ZNF577: variants seen among roughly 807,000 people sequenced by gnomAD.
The protein encoded by ZNF577 is zinc finger protein 577.
A neutral mutation model predicts 13.9 loss-of-function variants in ZNF577; 14 were observed. That is an observed-to-expected ratio of 1.00 (90% CI 0.66 to 1.57). ZNF577 has a LOEUF of 1.57. ZNF577 is among the 40% of genes most tolerant of loss of function. ZNF577 has a pLI of 0.00. For synonymous variants in ZNF577, 203 were observed against 202.9 expected, an observed-to-expected ratio of 1.00 and a Z score of 0.00; for missense variants, 555 against 579.2, an observed-to-expected ratio of 0.96 and a Z score of 0.43.
intron 5 of ZNF577, among the ~76,000 whole-genome samples, chr19:51,875,981 G>T (rs891726700): frequency 1.3e-5 from 2 of 152,192 alleles, no homozygotes; most frequent in Admixed American, 6.5e-5. Context: ...AAGGTGACCA[G>T]GCACCGGAGT....
At chr19:51,821,849 C>A (rs544091913) in intron 9 of ZNF577, among the ~76,000 whole-genome samples, 19 of 151,746 alleles carry the variant, frequency 1.3e-4, no homozygotes, top group Non-Finnish European at 2.2e-4. Flanking sequence ...ATGATGGCTG[C>A]CCACAATGTT....
chr19:51,881,198 C>A (rs1001270499), intron 1 of ZNF577, among the ~76,000 whole-genome samples: 1 of 152,144 alleles, frequency 6.6e-6, no homozygotes, highest in Non-Finnish European at 1.5e-5. Flanking sequence ...AGTGGTAAAG[C>A]CAGACATGGT....
At chr19:51,854,252 C>T (rs535478681) in intron 5 of ZNF577, among the ~76,000 whole-genome samples, 2 of 152,134 alleles carry the variant, frequency 1.3e-5, no homozygotes, top group Admixed American at 1.3e-4. Context: ...CCATTCTGCA[C>T]CCATCTGGGA....
intron 5 of ZNF577, chr19:51,861,624 A>G (rs2084503510): frequency 6.6e-6 from 1 of 152,336 alleles, no homozygotes; most frequent in Non-Finnish European, 1.5e-5. Flanking sequence ...TCATATTCCA[A>G]GTCACTGCAT....
At chr19:51,820,795 AT>A (rs2084182493) in intron 9 of ZNF577, among the ~76,000 whole-genome samples, 1 of 152,220 alleles carries the variant, frequency 6.6e-6, no homozygotes, top group Non-Finnish European at 1.5e-5. Context: ...TGTAACCAAT[AT>A]AAGTCAACTT....
At chr19:51,879,007 C>T (rs1200665794) in intron 3 of ZNF577, among the ~76,000 whole-genome samples, 1 of 152,146 alleles carries the variant, frequency 6.6e-6, no homozygotes, top group African/African-American at 2.4e-5. Flanking sequence ...CCTGTAATCT[C>T]AGTACTTTGG....
intron 5 of ZNF577, among the ~76,000 whole-genome samples, chr19:51,858,023 T>A (rs2084456277): frequency 6.6e-6 from 1 of 152,094 alleles, no homozygotes; most frequent in Non-Finnish European, 1.5e-5. Context: ...AAGGCCTATC[T>A]TTGAATTCCC....
chr19:51,812,116 T>A (rs1016326736), intron 9 of ZNF577, among the ~76,000 whole-genome samples: 2 of 152,196 alleles, frequency 1.3e-5, no homozygotes, highest in Admixed American at 6.5e-5. Flanking sequence ...AAACAGAATA[T>A]GTTGGAGGTA....
In ZNF577 at chr19:51,824,246, A is replaced by G. The variant is rs748382050; in HGVS notation, c.*600-12572T>C. Reference sequence around the variant, plus strand: ...TACCAAATTTCATCTTCTGGACTACAATAAGTACTACGAATGGGGACACAT... The same window carrying G: ...TACCAAATTTCATCTTCTGGACTACGATAAGTACTACGAATGGGGACACAT... On this transcript the variant is annotated intron_variant and NMD_transcript_variant, in intron 9 of 10. Coordinates refer to the ZNF577 transcript ENST00000638827. This position sits in a 1 kb window ranked among gnomAD's most constrained non-coding sequence, Gnocchi z 4.7. 1.1e-5 allele frequency: 18 copies of G among 1,614,028 alleles called. No individual in the cohort carries two copies. Among genetic ancestry groups the G allele is most frequent in the Non-Finnish European group, 1.5e-5 (18 of 1,180,010 alleles).
intron 9 of ZNF577, chr19:51,811,716 C>CA (rs879930765): frequency 2.0e-5 from 3 of 152,182 alleles, no homozygotes; most frequent in Non-Finnish European, 4.4e-5. Context: ...AGACAAGAGA[C>CA]AAAAGAGTAT....
Position 51,872,874 on chromosome 19 carries a change from AT to A in ZNF577, c.1115del (p.His372LeufsTer6). 4.3e-6 allele frequency: 7 copies of A among 1,614,158 alleles called. No individual in the cohort carries two copies. Among genetic ancestry groups the A allele is most frequent in the Non-Finnish European group, 5.9e-6 (7 of 1,180,022 alleles). ...AFAHMSVLIK[H>X]EKTHIRETAI... ...CTGTCTCTCTTATGTGAGTTTTCTCATGTTTAATGAGGACTGACATGTGGGC... is the reference window on the plus strand; with the variant it reads ...CTGTCTCTCTTATGTGAGTTTTCTCAGTTTAATGAGGACTGACATGTGGGC... On this transcript the variant is annotated frameshift_variant, in exon 6 of 6. Transcript: ENST00000638348. LOFTEE classifies it low-confidence loss of function (END_TRUNC).
Position 51,873,455 on chromosome 19 carries a change from T to C in ZNF577, c.535A>G (p.Thr179Ala). The change falls in exon 6 of 6, where the codon ACT becomes GCT. Residue 179 changes from threonine (T) to alanine (A), a missense_variant. By Grantham distance (58) the Thr-to-Ala change is moderately conservative (BLOSUM62 0). Coordinates refer to ENST00000638348, the MANE Select transcript of ZNF577 (RefSeq NM_001370449.1). ...CCATGGGGTTTCTCTCCTCTTTCAGTTCTCTGATGTTGAATAAGCTGTGCT... is the reference window on the plus strand; with the variant it reads ...CCATGGGGTTTCTCTCCTCTTTCAGCTCTCTGATGTTGAATAAGCTGTGCT... ...RKAQLIQHQR[T>A]ERGEKPHGCG... 6.2e-7 allele frequency: 1 copy of C among 1,614,188 alleles called. No homozygotes were observed. The highest frequency in any genetic ancestry group is 8.5e-7 in the Non-Finnish European group (1 of 1,180,024).
chr19:51,837,059 AG>A (rs368700682), intron 9 of ZNF577, among the ~76,000 whole-genome samples: 4,158 of 140,850 alleles, frequency 0.03, 270 homozygotes, highest in African/African-American at 0.097. Flanking sequence ...AAAAAAAAAA[AG>A]AAAAGAAAAG....
In ZNF577 at chr19:51,872,330, C is replaced by T; in HGVS notation, c.*202G>A. 2 of 488,268 alleles carry T rather than the reference C, an allele frequency of 4.1e-6. No homozygotes were observed. Among genetic ancestry groups the T allele is most frequent in the Non-Finnish European group, 7.2e-6 (2 of 277,848 alleles). 30.2% of individuals were successfully genotyped at this position (488,268 alleles called of 1,614,324 possible). Reference sequence around the variant, plus strand: ...ATTCTTTTGATACCAATTGAGATATCATCTCCAGGTAAAGACTTCCTCATA... The same window carrying T: ...ATTCTTTTGATACCAATTGAGATATTATCTCCAGGTAAAGACTTCCTCATA... On this transcript the variant is annotated 3_prime_UTR_variant, in exon 6 of 6. Transcript: ENST00000638348.
chr19:51,851,297 G>C (rs187748103), intron 5 of ZNF577, among the ~76,000 whole-genome samples: 111 of 152,246 alleles, frequency 7.3e-4, no homozygotes, highest in African/African-American at 2.1e-3. Context: ...GCTGAAACTT[G>C]TAAGAGTCTG....
At chr19:51,819,884 C>A (rs924887958) in intron 9 of ZNF577, among the ~76,000 whole-genome samples, 3 of 152,074 alleles carry the variant, frequency 2.0e-5, no homozygotes, top group African/African-American at 7.2e-5. Context: ...GAAATCAAAT[C>A]TTGAGGGTTT....
intron 5 of ZNF577, among the ~76,000 whole-genome samples, chr19:51,875,453 C>A (rs1287018258): frequency 1.3e-5 from 2 of 151,474 alleles, no homozygotes; most frequent in African/African-American, 4.9e-5. Flanking sequence ...GAGCCGACAG[C>A]GAAAGAGGGC....
chr19:51,825,106 C>T (rs1343500776), intron 9 of ZNF577: 2 of 298,038 alleles, frequency 6.7e-6, no homozygotes, highest in East Asian at 1.3e-4. Flanking sequence ...CAAATCCAGG[C>T]TTCTGAAACT....
At chr19:51,857,422 G>GA (rs1555745883) in intron 5 of ZNF577, among the ~76,000 whole-genome samples, 4 of 108,702 alleles carry the variant, frequency 3.7e-5, no homozygotes, top group Non-Finnish European at 7.2e-5. Context: ...AAGAAAGAAA[G>GA]AAAGAAAAGA....
Sources: allele counts gnomAD v4.1 joint callset (sites outside exome capture counted in the v4.1 genomes callset), GRCh38; gene constraint gnomAD v4.1.1; non-coding constraint Gnocchi (gnomAD v3.1); transcripts MANE v1.5; gene names NCBI Gene and HGNC (gene_info 2026-07-23, HGNC 2026-07-21).